Variants in BBS9 observed in about 807,000 individuals in gnomAD.
BBS9 encodes the protein Bardet-Biedl syndrome 9.
BBS9 carries 89 observed loss-of-function variants against 117.7 expected under a neutral mutation model. The observed-to-expected ratio is 0.76, with a 90% confidence interval of 0.64 to 0.90. The LOEUF (loss-of-function observed/expected upper bound fraction) is 0.90, where lower values mean the gene tolerates loss of function less well. Among genes scored for constraint, BBS9 ranks in the 40% least tolerant of loss-of-function variants. The pLI, the probability that BBS9 is intolerant of heterozygous loss-of-function variation, is 0.00. For synonymous variants in BBS9, 379 were observed against 370.9 expected, an observed-to-expected ratio of 1.02 and a Z score of -0.25; for missense variants, 982 against 1,042.2, an observed-to-expected ratio of 0.94 and a Z score of 0.80.
At chr7:33,520,699 T>C (rs1309231811) in intron 20 of BBS9, among the ~76,000 whole-genome samples, 1 of 152,156 alleles carries the variant, frequency 6.6e-6, no homozygotes, top group Non-Finnish European at 1.5e-5. Flanking sequence ...CAAGTCATAG[T>C]GTGAGATGGT....
chr7:33,178,352 G>A lies in BBS9; in HGVS notation c.442+761G>A, dbSNP rs148663774. ...ACTGGGTTCCTCCCACCTTGGCAGA[G>A]GGGTGTCTTTTTCTAATTAGCACAA... On this transcript the variant is annotated intron_variant, in intron 5 of 22. Coordinates refer to ENST00000242067, the MANE Select transcript of BBS9 (RefSeq NM_198428.3). Among the ~76,000 whole-genome samples, 711 of 152,324 alleles carry A rather than the reference G, an allele frequency of 4.7e-3. 3 individuals carry two copies. Among genetic ancestry groups the A allele is most frequent in the Middle Eastern group, 0.01 (3 of 294 alleles).
chr7:33,408,355 C>G (rs1218465263), intron 19 of BBS9, among the ~76,000 whole-genome samples: 1 of 152,068 alleles, frequency 6.6e-6, no homozygotes, highest in Non-Finnish European at 1.5e-5. Context: ...CTTTCCTTGA[C>G]CAGGAAAGGG....
chr7:33,392,331 C>G (rs1176496293), intron 19 of BBS9, among the ~76,000 whole-genome samples: 1 of 152,182 alleles, frequency 6.6e-6, no homozygotes, highest in Non-Finnish European at 1.5e-5. Context: ...TGTCTCTGGT[C>G]AGCTGGTGGC....
chr7:33,631,000 T>C (rs1865866565), intron 21 of BBS9, among the ~76,000 whole-genome samples: 1 of 152,072 alleles, frequency 6.6e-6, no homozygotes, highest in South Asian at 2.1e-4. Context: ...AACTACAAAA[T>C]GACCATTCTG....
intron 19 of BBS9, among the ~76,000 whole-genome samples, chr7:33,407,347 C>T (rs1830214954): frequency 6.6e-6 from 1 of 152,074 alleles, no homozygotes; most frequent in Admixed American, 6.5e-5. Flanking sequence ...AAATTTTTTT[C>T]AAAGTTTTCA....
intron 9 of BBS9, among the ~76,000 whole-genome samples, chr7:33,295,493 AT>A (rs1325145146): frequency 6.6e-6 from 1 of 151,780 alleles, no homozygotes; most frequent in African/African-American, 2.4e-5. Context: ...AATTCATCCC[AT>A]TTCCCCCCAT....
intron 19 of BBS9, among the ~76,000 whole-genome samples, chr7:33,435,638 G>A (rs1430917288): frequency 6.6e-6 from 1 of 152,196 alleles, no homozygotes; most frequent in African/African-American, 2.4e-5. Flanking sequence ...AGCATAGTAT[G>A]TGGGTTGGCA....
At chr7:33,207,054 G>T (rs1230435078) in intron 5 of BBS9, among the ~76,000 whole-genome samples, 2 of 152,052 alleles carry the variant, frequency 1.3e-5, no homozygotes, top group Non-Finnish European at 2.9e-5. Flanking sequence ...AAGAATAGGT[G>T]ATATTGCATT....
intron 19 of BBS9, among the ~76,000 whole-genome samples, chr7:33,429,181 T>C (rs1476671570): frequency 6.6e-6 from 1 of 152,104 alleles, no homozygotes; most frequent in Non-Finnish European, 1.5e-5. Context: ...AGCAGTTTTC[T>C]TTTTCAAAAA....
chr7:33,292,146 G>C (rs574762888), intron 9 of BBS9, among the ~76,000 whole-genome samples: 2 of 152,268 alleles, frequency 1.3e-5, no homozygotes, highest in African/African-American at 4.8e-5. Flanking sequence ...CTTAGAAGAG[G>C]GTTCAAAGTC....
chr7:33,418,826 A>T (rs956088897), intron 19 of BBS9, among the ~76,000 whole-genome samples: 1 of 152,196 alleles, frequency 6.6e-6, no homozygotes, highest in African/African-American at 2.4e-5. Flanking sequence ...TTCCTTTTTT[A>T]AAAAAGAAAC....
chr7:33,336,617 C>G lies in BBS9; in HGVS notation c.1193C>G (p.Ser398Ter), dbSNP rs1815419592. 1.9e-6 allele frequency: 3 copies of G among 1,599,482 alleles called. No homozygotes were observed. Among genetic ancestry groups the G allele is most frequent in the Non-Finnish European group, 2.6e-6 (3 of 1,168,574 alleles). ...AAAATCATCAAAGATGTTAACAAAT[C>G]ACAAGGTATCTCATTTGCAGCTTTT... ...LQKIIKDVNK[S>*]QGVWPMTERE... Residue 398 changes from serine to a stop codon, truncating the protein, a stop_gained, in exon 10 of 23, where the codon TCA (serine) becomes TGA (stop). Transcript: ENST00000242067. LOFTEE classifies it high-confidence loss of function.
At chr7:33,519,278 A>G (rs1203200416) in intron 20 of BBS9, among the ~76,000 whole-genome samples, 2 of 152,128 alleles carry the variant, frequency 1.3e-5, no homozygotes, top group African/African-American at 4.8e-5. Context: ...CTAGGTGGCA[A>G]TAAAGTTTTC....
At chr7:33,209,670 T>C in intron 5 of BBS9, among the ~76,000 whole-genome samples, 1 of 152,228 alleles carries the variant, frequency 6.6e-6, no homozygotes. Context: ...GGTTTTCCAA[T>C]TTATTGGCAT....
At chr7:33,179,434 AG>A in intron 5 of BBS9, among the ~76,000 whole-genome samples, 1 of 152,312 alleles carries the variant, frequency 6.6e-6, no homozygotes, top group East Asian at 1.9e-4. Context: ...CATTAGCCTG[AG>A]CTGCGCCTTC....
intron 19 of BBS9, among the ~76,000 whole-genome samples, chr7:33,445,420 T>G (rs541515835): frequency 3.9e-5 from 6 of 152,324 alleles, no homozygotes; most frequent in Admixed American, 3.3e-4. Context: ...ACACATGTAT[T>G]GCATTTATGT....
chr7:33,183,911 G>A (rs977418019), intron 5 of BBS9, among the ~76,000 whole-genome samples: 19 of 152,112 alleles, frequency 1.2e-4, no homozygotes, highest in African/African-American at 4.3e-4. Flanking sequence ...CTAAGCCCAT[G>A]TGTCCTAAGC....
intron 5 of BBS9, among the ~76,000 whole-genome samples, chr7:33,189,011 CTTTTATTTTAT>C (rs1767051285): frequency 6.6e-6 from 1 of 151,982 alleles, no homozygotes; most frequent in African/African-American, 2.4e-5. Context: ...TACATTTTTA[CTTTTATTTTAT>C]TTTATTTTTT....
chr7:33,393,197 T>A lies in BBS9; in HGVS notation c.2115+5053T>A, dbSNP rs188791646. ...AACAAACAAACAAACAAACAAAAAA[T>A]AAATAAATAAAAAATAATGCAAACA... On this transcript the variant is annotated intron_variant, in intron 19 of 22. Coordinates refer to ENST00000242067, the MANE Select transcript of BBS9 (RefSeq NM_198428.3). Among the ~76,000 whole-genome samples, 863 of 151,820 alleles carry A rather than the reference T, an allele frequency of 5.7e-3. 3 individuals are homozygous for A. The highest frequency in any genetic ancestry group is 9.0e-3 in the Non-Finnish European group (610 of 67,972).
Sources: gnomAD v4.1 joint callset for allele counts (sites outside exome capture counted in the v4.1 genomes callset) on GRCh38, gnomAD v4.1.1 for gene constraint, MANE v1.5 for transcripts, NCBI Gene and HGNC (gene_info 2026-07-23, HGNC 2026-07-21) for gene names.